Variants in KLHL40 observed in about 807,000 individuals in gnomAD.
The protein encoded by KLHL40 is kelch-like protein 40.
A neutral mutation model predicts 49.7 loss-of-function variants in KLHL40; 44 were observed. The observed-to-expected ratio is 0.89, with a 90% CI of 0.70 to 1.14. The LOEUF is 1.14. Ranked by LOEUF, KLHL40 falls within the 50% of genes most tolerant of loss-of-function variation. The pLI is 0.00. For synonymous variants in KLHL40, 409 were observed against 365.2 expected, an observed-to-expected ratio of 1.12 and a Z score of -1.37; for missense variants, 892 against 850.3, an observed-to-expected ratio of 1.05 and a Z score of -0.61.
rs766068206 is a variant in KLHL40, at chr3:42,688,130, C to A, written c.1153-12C>A. The stretch of plus-strand genomic sequence containing the variant: ...GTGGGGGGCGGTAGCTGACTGGACA[C>A]CTGGCCTGCAGTTTGACCATCTGGA... On this transcript the variant is annotated splice_polypyrimidine_tract_variant and intron_variant, in intron 1 of 5. Transcript: ENST00000287777. The surrounding 1 kb of genome is among the most constrained non-coding windows in gnomAD (Gnocchi z 4.2). The A allele has an allele frequency of 1.2e-6, 2 of 1,613,750 alleles. No individual in the cohort carries two copies. The highest frequency in any genetic ancestry group is 1.7e-6 in the Non-Finnish European group (2 of 1,179,964).
Position 42,686,048 on chromosome 3 carries a change from G to T in KLHL40, c.430G>T (p.Asp144Tyr). ...LAVFRLGLLL[D>Y]CARLAVAARD... The stretch of plus-strand genomic sequence containing the variant: ...CGTCTTCCGTCTCGGCCTCCTGCTC[G>T]ACTGCGCGCGTCTCGCCGTGGCTGC... Residue 144 changes from aspartate to tyrosine, a missense_variant, in exon 1 of 6, where the codon GAC (aspartate) becomes TAC (tyrosine). By Grantham distance (160) the Asp-to-Tyr change is radical. Coordinates refer to ENST00000287777, the MANE Select transcript of KLHL40 (RefSeq NM_152393.4). 1 of 1,606,942 alleles carries T rather than the reference G, an allele frequency of 6.2e-7. No individual in the cohort carries two copies. The highest frequency in any genetic ancestry group is 8.5e-7 in the Non-Finnish European group (1 of 1,179,928).
chr3:42,690,746 C>T (rs760529573), intron 4 of KLHL40, 113 bp from the exon 5 acceptor site: 111 of 1,160,318 alleles, frequency 9.6e-5, no homozygotes, highest in Non-Finnish European at 8.1e-5. Flanking sequence ...GGCATGGGTG[C>T]CTGGGACTTG....
Position 42,685,801 on chromosome 3 carries a change from CT to C in KLHL40, c.186del (p.Leu63Ter), listed in dbSNP as rs1220386162. 6.2e-7 allele frequency: 1 copy of C among 1,612,248 alleles called. No individual in the cohort carries two copies. The highest frequency in any genetic ancestry group is 1.1e-5 in the South Asian group (1 of 91,030). On this transcript the variant is annotated frameshift_variant, in exon 1 of 6. Transcript: ENST00000287777. LOFTEE classifies it high-confidence loss of function. ...AACSPYFRAR[F>X]LAEPERAGEL... ...CCTGCAGCCCCTACTTCCGGGCGCG[CT>C]TTCTAGCCGAGCCGGAGCGCGCGGG...
chr3:42,689,606 C>A (rs759790114), intron 4 of KLHL40, among the ~76,000 whole-genome samples: 4 of 151,956 alleles, frequency 2.6e-5, no homozygotes, highest in Non-Finnish European at 5.9e-5. Context: ...GACTGTATCT[C>A]ATCTGTGTTC....
In KLHL40 at chr3:42,686,236, C is replaced by T. The variant is rs867880713; in HGVS notation, c.618C>T (p.Asp206=). 1.2e-5 allele frequency: 18 copies of T among 1,553,166 alleles called. No individual in the cohort carries two copies. The highest frequency in any genetic ancestry group is 1.3e-5 in the Non-Finnish European group (15 of 1,151,070). Residue 206 remains aspartate, a synonymous_variant, in exon 1 of 6, where the codon GAC becomes GAT. Coordinates refer to ENST00000287777, the MANE Select transcript of KLHL40 (RefSeq NM_152393.4). ...TGATGCGGTGGGCGGGTAGCGGCGA[C>T]GCCGAGGCGCAGGCTGAGCGCCAGC... is the stretch of plus-strand genomic sequence containing the variant. ...EAVMRWAGSG[D]AEAQAERQRA... is the part of the protein sequence containing the mutation.
chr3:42,686,827 A>C (rs1206318072), intron 1 of KLHL40, 57 bp downstream of exon 1: 2 of 1,459,630 alleles, frequency 1.4e-6, no homozygotes, highest in Non-Finnish European at 9.2e-7. Context: ...CACTGTGGAC[A>C]GTCTTGGGGC....
rs895693672 is a variant in KLHL40 at position 42,688,455 on chromosome 3, G to A, written c.1313+153G>A. On this transcript the variant is annotated intron_variant, in intron 2 of 5. Coordinates refer to ENST00000287777, the MANE Select transcript of KLHL40 (RefSeq NM_152393.4). This position sits in a 1 kb window ranked among gnomAD's most constrained non-coding sequence, Gnocchi z 4.2. ...AAGGGCGGGGAGGTTGGGGGGCAGG[G>A]TGGGATCAAAGAACTGAGAGGCCTC... is the stretch of plus-strand genomic sequence containing the variant. Among the ~76,000 whole-genome samples the A allele has an allele frequency of 6.6e-6, 1 of 151,854 alleles. No individual in the cohort carries two copies. The highest frequency in any genetic ancestry group is 2.4e-5 in the African/African-American group (1 of 41,310).
In KLHL40 at chr3:42,688,336, G is replaced by A. The variant is rs773257626; in HGVS notation, c.1313+34G>A. Reference sequence around the variant, plus strand: ...GGCTGGGGTGGGGCTGAGCTCCGTGGGGGTGAGTGGGGCATGGAGGCCGCA... The same window carrying A: ...GGCTGGGGTGGGGCTGAGCTCCGTGAGGGTGAGTGGGGCATGGAGGCCGCA... On this transcript the variant is annotated intron_variant, in intron 2 of 5. Coordinates refer to ENST00000287777, the MANE Select transcript of KLHL40 (RefSeq NM_152393.4). The surrounding 1 kb of genome is among the most constrained non-coding windows in gnomAD (Gnocchi z 4.2). 6.2e-7 allele frequency: 1 copy of A among 1,609,832 alleles called. No homozygotes were observed. The highest frequency in any genetic ancestry group is 8.5e-7 in the Non-Finnish European group (1 of 1,176,724).
At position 42,686,172 on chromosome 3, in the gene KLHL40, G is replaced by A. The variant is rs1308853901; in HGVS notation, c.554G>A (p.Gly185Asp). 1 of 1,589,012 alleles carries A rather than the reference G, an allele frequency of 6.3e-7. No individual in the cohort carries two copies. Among genetic ancestry groups the A allele is most frequent in the Non-Finnish European group, 8.5e-7 (1 of 1,172,444 alleles). The change falls in exon 1 of 6, where the codon GGC (glycine) becomes GAC (aspartate). Residue 185 changes from glycine (G) to aspartate (D), a missense_variant. Coordinates refer to ENST00000287777, the MANE Select transcript of KLHL40 (RefSeq NM_152393.4). ...CTCATCGCCATCATCTCCAGCGACG[G>A]CCTTAACGTGGAGAAGGAGGAGGCA... Reference protein sequence around the residue: ...DELIAIISSDGLNVEKEEAVF... With the variant: ...DELIAIISSDDLNVEKEEAVF...
At position 42,688,220 on chromosome 3, in the gene KLHL40, C is replaced by A. The variant is rs766415160; in HGVS notation, c.1231C>A (p.Leu411Ile). Residue 411 changes from leucine (L) to isoleucine (I), a missense_variant, in exon 2 of 6, where the codon CTC (leucine) becomes ATC (isoleucine). Physicochemically the swap from Leu to Ile is conservative, Grantham distance 5. Transcript: ENST00000287777. This position sits in a 1 kb window ranked among gnomAD's most constrained non-coding sequence, Gnocchi z 4.2. ...CTGCCTCTTTGGCCTGGGAGAAGCT[C>A]TCAACTCCATCTACGTGGTCGGTGG... ...PRCLFGLGEA[L>I]NSIYVVGGRE... 6.2e-7 allele frequency: 1 copy of A among 1,614,014 alleles called. No individual in the cohort carries two copies. Among genetic ancestry groups the A allele is most frequent in the Admixed American group, 1.7e-5 (1 of 60,026 alleles).
chr3:42,689,834 C>T (rs1254830301), intron 4 of KLHL40, among the ~76,000 whole-genome samples: 6 of 152,140 alleles, frequency 3.9e-5, no homozygotes, highest in Admixed American at 6.5e-5. Context: ...TCTCGGTATG[C>T]GGAGGGCTGA....
chr3:42,686,360 C>A lies in KLHL40; in HGVS notation c.742C>A (p.Pro248Thr). The A allele has an allele frequency of 6.2e-7, 1 of 1,613,144 alleles. No homozygotes were observed. Among genetic ancestry groups the A allele is most frequent in the Non-Finnish European group, 8.5e-7 (1 of 1,179,882 alleles). ...VERHPLVRAQ[P>T]ELLRKVQMVK... is the part of the protein sequence containing the mutation. ...GCGCCACCCTCTCGTGCGTGCCCAG[C>A]CCGAGTTGCTGCGCAAGGTGCAGAT... The change falls in exon 1 of 6, where the codon CCC (proline) becomes ACC (threonine). Residue 248 changes from proline to threonine, a missense_variant. By Grantham distance (38) the Pro-to-Thr change is conservative. Transcript: ENST00000287777.
Position 42,686,110 on chromosome 3 carries a change from G to A in KLHL40, c.492G>A (p.Ala164=), listed in dbSNP as rs1340394349. The change falls in exon 1 of 6, where the codon GCG becomes GCA. Residue 164 remains alanine (A), a synonymous_variant. Transcript: ENST00000287777. ...DFICAHFTLV[A]RDADFLGLSA... ...TCTGCGCTCACTTCACGCTGGTGGCGCGCGACGCTGACTTCCTCGGACTCT... is the reference window on the plus strand; with the variant it reads ...TCTGCGCTCACTTCACGCTGGTGGCACGCGACGCTGACTTCCTCGGACTCT... The A allele has an allele frequency of 9.4e-6, 15 of 1,600,446 alleles. No homozygotes were observed. The highest frequency in any genetic ancestry group is 1.3e-5 in the African/African-American group (1 of 74,906).
Position 42,692,538 on chromosome 3 carries a change from TG to T in KLHL40, c.*547del. On this transcript the variant is annotated 3_prime_UTR_variant, in exon 6 of 6. Coordinates refer to ENST00000287777, the MANE Select transcript of KLHL40 (RefSeq NM_152393.4). ...AGGTCGATGGTCTCTGCTCTCCATCTGGTGTCCCCTCCACCCTATGGGTGGG... is the reference window on the plus strand; with the variant it reads ...AGGTCGATGGTCTCTGCTCTCCATCTGTGTCCCCTCCACCCTATGGGTGGG... 3 of 822,466 alleles carry T rather than the reference TG, an allele frequency of 3.6e-6. No homozygotes were observed. Among genetic ancestry groups the T allele is most frequent in the Non-Finnish European group, 5.5e-6 (3 of 549,008 alleles). 50.9% of individuals were successfully genotyped at this position (822,466 alleles called of 1,614,324 possible).
At position 42,685,594 on chromosome 3, in the gene KLHL40, G is replaced by A. The variant is rs879232830; in HGVS notation, c.-25G>A. The A allele has an allele frequency of 3.2e-6, 5 of 1,546,352 alleles. No homozygotes were observed. Among genetic ancestry groups the A allele is most frequent in the Middle Eastern group, 1.7e-4 (1 of 5,874 alleles). The stretch of plus-strand genomic sequence containing the variant: ...TACAGAGAGGAGCCCCCTTGGCACC[G>A]CCACCGCACCCTAGGCCACCCACCA... On this transcript the variant is annotated 5_prime_UTR_variant, in exon 1 of 6. Transcript: ENST00000287777.
Position 42,686,224 on chromosome 3 carries a change from G to A in KLHL40, c.606G>A (p.Ala202=), listed in dbSNP as rs1322169174. Reference sequence around the variant, plus strand: ...TGTTCGAGGCGGTGATGCGGTGGGCGGGTAGCGGCGACGCCGAGGCGCAGG... The same window carrying A: ...TGTTCGAGGCGGTGATGCGGTGGGCAGGTAGCGGCGACGCCGAGGCGCAGG... ...EAVFEAVMRW[A]GSGDAEAQAE... The change falls in exon 1 of 6, where the codon GCG becomes GCA. Residue 202 remains alanine, a synonymous_variant. Coordinates refer to ENST00000287777, the MANE Select transcript of KLHL40 (RefSeq NM_152393.4). 3.2e-6 allele frequency: 5 copies of A among 1,556,962 alleles called. No homozygotes were observed. The highest frequency in any genetic ancestry group is 2.7e-5 in the African/African-American group (2 of 73,910).
rs776981654 is a variant in KLHL40, at chr3:42,688,618, A to C, written c.1322A>C (p.Lys441Thr). 1 of 1,613,490 alleles carries C rather than the reference A, an allele frequency of 6.2e-7. No homozygotes were observed. The highest frequency in any genetic ancestry group is 2.2e-5 in the East Asian group (1 of 44,864). ...ACTCCCGTCTCCTCCAGGTCATTCAAATGGGGTGAATCGGACCCGCTGCCT... is the reference window on the plus strand; with the variant it reads ...ACTCCCGTCTCCTCCAGGTCATTCACATGGGGTGAATCGGACCCGCTGCCT... ...SVMCYDRLSF[K>T]WGESDPLPYV... Residue 441 changes from lysine (K) to threonine (T), a missense_variant, in exon 3 of 6, where the codon AAA becomes ACA. Lys to Thr is a moderately conservative substitution (Grantham distance 78). Coordinates refer to ENST00000287777, the MANE Select transcript of KLHL40 (RefSeq NM_152393.4). The surrounding 1 kb of genome is among the most constrained non-coding windows in gnomAD (Gnocchi z 4.2).
intron 4 of KLHL40, among the ~76,000 whole-genome samples, chr3:42,690,312 G>A (rs78047431): frequency 2.0e-5 from 3 of 152,236 alleles, no homozygotes; most frequent in African/African-American, 2.4e-5. Context: ...CACGTCAGCA[G>A]GGCTGTGTGC....
chr3:42,685,645 G>T lies in KLHL40; in HGVS notation c.27G>T (p.Glu9Asp). Residue 9 changes from glutamate to aspartate, a missense_variant, in exon 1 of 6, where the codon GAG becomes GAT. Coordinates refer to ENST00000287777, the MANE Select transcript of KLHL40 (RefSeq NM_152393.4). ...TGGCGCTGGGCTTGGAGCAGGCGGA[G>T]GAGCAGCGGTTGTACCAGCAGACGC... MALGLEQA[E>D]EQRLYQQTLL... 1 of 1,607,094 alleles carries T rather than the reference G, an allele frequency of 6.2e-7. No individual in the cohort carries two copies. Among genetic ancestry groups the T allele is most frequent in the South Asian group, 1.1e-5 (1 of 90,134 alleles).
Sources: gnomAD v4.1 joint callset for allele counts (sites outside exome capture counted in the v4.1 genomes callset) on GRCh38, gnomAD v4.1.1 for gene constraint, Gnocchi (gnomAD v3.1) non-coding constraint, MANE v1.5 for transcripts, NCBI Gene and HGNC (gene_info 2026-07-23, HGNC 2026-07-21) for gene names.